TMTC1: variants seen among roughly 807,000 people sequenced by gnomAD.
TMTC1 encodes the protein transmembrane O-mannosyltransferase targeting cadherins 1, also known as protein O-mannosyl-transferase TMTC1.
A neutral mutation model predicts 104.8 loss-of-function variants in TMTC1; 73 were observed. The ratio of observed to expected loss-of-function variants is 0.70; its 90% CI spans 0.58 to 0.85. TMTC1 has a LOEUF of 0.85. Among genes scored for constraint, TMTC1 ranks in the 40% least tolerant of loss-of-function variants. The pLI is 0.00. For missense variants in TMTC1, 1,035 were observed against 1,096.1 expected (o/e 0.94, Z 0.79); for synonymous variants, 434 against 428.7 (o/e 1.01, Z -0.15).
chr12:29,660,271 G>C (rs895571446), intron 5 of TMTC1, among the ~76,000 whole-genome samples: 1 of 152,206 alleles, frequency 6.6e-6, no homozygotes, highest in Non-Finnish European at 1.5e-5. Context: ...AACTAACAGG[G>C]AGAGGCCCTC....
intron 7 of TMTC1, among the ~76,000 whole-genome samples, chr12:29,586,233 C>G (rs951276759): frequency 1.3e-5 from 2 of 151,688 alleles, no homozygotes; most frequent in South Asian, 4.2e-4. Context: ...TGATTTGGCT[C>G]TCTGTCTGTT....
At position 29,637,088 on chromosome 12, in the gene TMTC1, ACACACACACACACAC is replaced by A. The variant is rs1565727978; in HGVS notation, c.939-3767_939-3753del. Among the ~76,000 whole-genome samples the A allele has an allele frequency of 1.4e-3, 200 of 145,922 alleles. 1 individual carries two copies. Among genetic ancestry groups the A allele is most frequent in the African/African-American group, 3.9e-3 (147 of 37,946 alleles). ...AATGAAACGAAACAAAATGAGAAAC[ACACACACACACACAC>A]ACACACACACACACACACACAAAAG... is the stretch of plus-strand genomic sequence containing the variant. On this transcript the variant is annotated intron_variant, in intron 5 of 17. Transcript: ENST00000539277.
chr12:29,769,126 C>T (rs1396460646), intron 1 of TMTC1, among the ~76,000 whole-genome samples: 1 of 152,118 alleles, frequency 6.6e-6, no homozygotes, highest in African/African-American at 2.4e-5. Context: ...ATGAAAAAGT[C>T]AGCTTTAGAG....
intron 5 of TMTC1, among the ~76,000 whole-genome samples, chr12:29,658,094 A>G (rs1045853802): frequency 8.5e-5 from 13 of 152,156 alleles, no homozygotes; most frequent in African/African-American, 2.9e-4. Flanking sequence ...CTCCATGTCA[A>G]AAAAACAAAA....
In TMTC1 at chr12:29,516,387, A is replaced by G; in HGVS notation, c.2269T>C (p.Leu757=). The G allele has an allele frequency of 6.2e-7, 1 of 1,613,954 alleles. No homozygotes were observed. Among genetic ancestry groups the G allele is most frequent in the Non-Finnish European group, 8.5e-7 (1 of 1,179,930 alleles). Residue 757 remains leucine, a synonymous_variant, in exon 15 of 18, where the codon TTG becomes CTG. Transcript: ENST00000539277. ...ETGCLECYRL[L]SAIYSKQENH... ...TCCTGCTTGCTATAGATGGCTGACA[A>G]GAGGCGATAGCATTCAAGGCATCCG...
intron 1 of TMTC1, among the ~76,000 whole-genome samples, chr12:29,782,124 G>A (rs1018555437): frequency 6.6e-6 from 1 of 152,214 alleles, no homozygotes; most frequent in Non-Finnish European, 1.5e-5. Context: ...GTCCCAAGGA[G>A]ATTTTAAGAA....
rs1942180593 is a variant in TMTC1, at chr12:29,719,662, C to T, written c.938+32004G>A. The stretch of plus-strand genomic sequence containing the variant: ...TCTTGGGTGGTCACTGGGCTTTTTT[C>T]TTCTATTCTGCAATGCCTGCAAGGC... On this transcript the variant is annotated intron_variant, in intron 5 of 17. Coordinates refer to ENST00000539277, the MANE Select transcript of TMTC1 (RefSeq NM_001193451.2). Among the ~76,000 whole-genome samples, 4 of 152,240 alleles carry T rather than the reference C, an allele frequency of 2.6e-5. No homozygotes were observed. The South Asian group carries it at 8.3e-4, about 32-fold the overall frequency.
At chr12:29,597,560 T>C (rs1294041263) in intron 7 of TMTC1, among the ~76,000 whole-genome samples, 1 of 150,892 alleles carries the variant, frequency 6.6e-6, no homozygotes, top group Non-Finnish European at 1.5e-5. Flanking sequence ...GGGGCACACA[T>C]CTTCCCTTCT....
chr12:29,677,907 C>T (rs1341385097), intron 5 of TMTC1, among the ~76,000 whole-genome samples: 1 of 152,214 alleles, frequency 6.6e-6, no homozygotes, highest in African/African-American at 2.4e-5. Flanking sequence ...TAATCTCTTA[C>T]TGTACCTAAT....
intron 12 of TMTC1, 58 bp from the exon 13 acceptor site, chr12:29,518,665 C>T: frequency 6.4e-7 from 1 of 1,569,628 alleles, no homozygotes. Flanking sequence ...AAGACATGAA[C>T]ATTTCACTTT....
At chr12:29,659,526 G>C (rs917898277) in intron 5 of TMTC1, among the ~76,000 whole-genome samples, 5 of 152,168 alleles carry the variant, frequency 3.3e-5, no homozygotes, top group South Asian at 2.1e-4. Context: ...AGCAGCCTGA[G>C]CCCTCACCAG....
intron 5 of TMTC1, among the ~76,000 whole-genome samples, chr12:29,731,105 A>C (rs1430649235): frequency 2.0e-5 from 3 of 152,226 alleles, no homozygotes; most frequent in African/African-American, 7.2e-5. Context: ...ACTCGTTTTT[A>C]CTAAAAGAGA....
chr12:29,744,522 T>C (rs1942903334), intron 5 of TMTC1, among the ~76,000 whole-genome samples: 1 of 152,228 alleles, frequency 6.6e-6, no homozygotes, highest in Non-Finnish European at 1.5e-5. Flanking sequence ...AAGCACGTTG[T>C]TGAAATGATC....
At chr12:29,615,284 C>A (rs1490411726) in intron 6 of TMTC1, among the ~76,000 whole-genome samples, 1 of 152,194 alleles carries the variant, frequency 6.6e-6, no homozygotes, top group Non-Finnish European at 1.5e-5. Flanking sequence ...AGTCTTTTCT[C>A]TGTCCTCCAG....
chr12:29,563,049 G>A (rs2136277625), intron 9 of TMTC1, among the ~76,000 whole-genome samples: 1 of 152,240 alleles, frequency 6.6e-6, no homozygotes, highest in South Asian at 2.1e-4. Context: ...AAGTCATTCT[G>A]TGTCCATCTG....
intron 2 of TMTC1, among the ~76,000 whole-genome samples, chr12:29,761,067 G>A (rs1943337453): frequency 6.8e-6 from 1 of 147,430 alleles, no homozygotes; most frequent in Non-Finnish European, 1.5e-5. Flanking sequence ...AGTATTATAT[G>A]TTTATATTAC....
chr12:29,781,736 C>A (rs1480617191), intron 1 of TMTC1, among the ~76,000 whole-genome samples: 1 of 152,110 alleles, frequency 6.6e-6, no homozygotes, highest in Non-Finnish European at 1.5e-5. Context: ...GAGGCTGAGG[C>A]AGGAGAATTG....
At chr12:29,539,579 C>T (rs9300192) in intron 10 of TMTC1, among the ~76,000 whole-genome samples, 119,764 of 152,178 alleles carry the variant, frequency 0.79, 47,398 homozygotes, top group Middle Eastern at 0.86. Context: ...CCCAGGTACC[C>T]GCTACTCCAG....
In TMTC1 at chr12:29,592,370, A is replaced by T. The variant is rs750226256; in HGVS notation, c.1251-8796T>A. Reference sequence around the variant, plus strand: ...GAGTTTATTCATATTCCAAGAAAAGAATCCCCAAAGACATTTCTGTGTATT... The same window carrying T: ...GAGTTTATTCATATTCCAAGAAAAGTATCCCCAAAGACATTTCTGTGTATT... On this transcript the variant is annotated intron_variant, in intron 7 of 17. Transcript: ENST00000539277. Among the ~76,000 whole-genome samples the T allele has an allele frequency of 3.9e-5, 6 of 152,332 alleles. No homozygotes were observed. The South Asian group carries it at 1.2e-3, about 32-fold the overall frequency.
Sources: gnomAD v4.1 joint callset for allele counts (sites outside exome capture counted in the v4.1 genomes callset) on GRCh38, gnomAD v4.1.1 for gene constraint, MANE v1.5 for transcripts, NCBI Gene and HGNC (gene_info 2026-07-23, HGNC 2026-07-21) for gene names.